The following MAGI3 variants were observed in gnomAD, a reference collection of about 807,000 sequenced individuals.
MAGI3 encodes the protein membrane-associated guanylate kinase, WW and PDZ domain-containing protein 3.
A neutral mutation model predicts 121.8 loss-of-function variants in MAGI3; 43 were observed. That is an observed-to-expected ratio of 0.35 (90% CI 0.28 to 0.46). The LOEUF is 0.46. Among genes scored for constraint, MAGI3 ranks in the 20% least tolerant of loss-of-function variants. The pLI, the probability that MAGI3 is intolerant of heterozygous loss-of-function variation, is 1.00. For synonymous variants in MAGI3, 553 were observed against 639.3 expected (o/e 0.86, Z 2.04); for missense variants, 1,547 against 1,797.3 (o/e 0.86, Z 2.52).
chr1:113,640,450 A>G (rs143955303), intron 9 of MAGI3, among the ~76,000 whole-genome samples: 3,265 of 152,266 alleles, frequency 0.021, 117 homozygotes, highest in African/African-American at 0.074. Flanking sequence ...TTGCAGCACT[A>G]TTTACAATAG....
At chr1:113,631,434 TA>T (rs1415224130) in intron 9 of MAGI3, among the ~76,000 whole-genome samples, 2 of 152,176 alleles carry the variant, frequency 1.3e-5, no homozygotes, top group African/African-American at 4.8e-5. Context: ...TCCTCTAAAC[TA>T]AATGCATATT....
chr1:113,608,095 A>G (rs11102660), intron 6 of MAGI3, among the ~76,000 whole-genome samples: 21,497 of 152,146 alleles, frequency 0.14, 2,037 homozygotes, highest in Non-Finnish European at 0.21. Context: ...GTAGTACCAT[A>G]TGACATGTCT....
At chr1:113,591,641 A>G (rs899792868) in intron 5 of MAGI3, among the ~76,000 whole-genome samples, 2 of 152,186 alleles carry the variant, frequency 1.3e-5, no homozygotes, top group Non-Finnish European at 2.9e-5. Flanking sequence ...ATACATTTAT[A>G]TAAACATTCA....
chr1:113,648,844 G>A (rs1414597169), intron 12 of MAGI3, among the ~76,000 whole-genome samples: 1 of 152,176 alleles, frequency 6.6e-6, no homozygotes, highest in Non-Finnish European at 1.5e-5. Flanking sequence ...CTATACAGCA[G>A]TGCCTGTACA....
intron 6 of MAGI3, among the ~76,000 whole-genome samples, chr1:113,608,157 G>T (rs1194434360): frequency 6.6e-6 from 1 of 151,754 alleles, no homozygotes; most frequent in African/African-American, 2.4e-5. Flanking sequence ...TCAGAGCAAT[G>T]ATTTTTGACA....
At chr1:113,576,041 C>G (rs1214827076) in intron 2 of MAGI3, among the ~76,000 whole-genome samples, 1 of 152,184 alleles carries the variant, frequency 6.6e-6, no homozygotes, top group African/African-American at 2.4e-5. Context: ...GCCCCTCCCC[C>G]CACCAAGCTC....
rs1015113374 is a variant in MAGI3, at chr1:113,537,252, T to C, written c.317-12263T>C. Among the ~76,000 whole-genome samples the C allele has an allele frequency of 1.3e-5, 2 of 152,216 alleles. 1 individual carries two copies. The highest frequency in any genetic ancestry group is 2.9e-5 in the Non-Finnish European group (2 of 68,030). ...CGTTTCTCTATGAATTTTTGTCTTT[T>C]GCTCCTAGGCATTGGGAATTTTTGC... On this transcript the variant is annotated intron_variant, in intron 1 of 20. Transcript: ENST00000307546.
At chr1:113,477,187 C>T (rs1327715189) in intron 1 of MAGI3, among the ~76,000 whole-genome samples, 1 of 152,088 alleles carries the variant, frequency 6.6e-6, no homozygotes, top group Admixed American at 6.5e-5. Flanking sequence ...TCGAATTTGC[C>T]ATTCTGTGTC....
intron 1 of MAGI3, among the ~76,000 whole-genome samples, chr1:113,472,730 A>G (rs1284124641): frequency 1.1e-5 from 1 of 94,000 alleles, no homozygotes; most frequent in Non-Finnish European, 2.0e-5. Context: ...TGTATCTACT[A>G]CAGTTGTGTG....
intron 1 of MAGI3, among the ~76,000 whole-genome samples, chr1:113,503,110 C>T (rs1657104271): frequency 1.0e-5 from 1 of 95,634 alleles, no homozygotes; most frequent in Admixed American, 1.2e-4. Flanking sequence ...GGAGATATAC[C>T]TAATGCTAGA....
chr1:113,631,893 G>A (rs563230263), intron 9 of MAGI3, among the ~76,000 whole-genome samples: 187 of 152,272 alleles, frequency 1.2e-3, no homozygotes, highest in Admixed American at 2.9e-3. Context: ...GAGTGTTTGT[G>A]GTTCAGGAAC....
intron 7 of MAGI3, chr1:113,618,743 A>G (rs1650639271): frequency 4.3e-6 from 1 of 232,300 alleles, no homozygotes; most frequent in African/African-American, 2.4e-5. Flanking sequence ...TGACCTCGTG[A>G]TCTGCCTGCC....
intron 1 of MAGI3, among the ~76,000 whole-genome samples, chr1:113,533,539 C>T (rs1157573434): frequency 1.3e-5 from 2 of 152,072 alleles, no homozygotes; most frequent in African/African-American, 2.4e-5. Context: ...CAGTGTCACT[C>T]AATTTACCCA....
intron 1 of MAGI3, among the ~76,000 whole-genome samples, chr1:113,425,273 A>ATTTTTT (rs949045641): frequency 5.8e-5 from 5 of 86,864 alleles, no homozygotes; most frequent in East Asian, 4.0e-4. Flanking sequence ...TACAAATTCA[A>ATTTTTT]TTTTTTTTTT....
intron 1 of MAGI3, among the ~76,000 whole-genome samples, chr1:113,542,114 C>T (rs865976265): frequency 2.6e-5 from 4 of 152,176 alleles, no homozygotes; most frequent in African/African-American, 4.8e-5. Context: ...GTAGTCCCCC[C>T]CTCCTTATTC....
intron 1 of MAGI3, among the ~76,000 whole-genome samples, chr1:113,530,630 A>C (rs1416078716): frequency 6.6e-6 from 1 of 152,014 alleles, no homozygotes; most frequent in Non-Finnish European, 1.5e-5. Flanking sequence ...CTTAGAAAAG[A>C]GAAACAAGGC....
At chr1:113,681,924 ACT>A (rs1648240334) in intron 20 of MAGI3, among the ~76,000 whole-genome samples, 1 of 152,084 alleles carries the variant, frequency 6.6e-6, no homozygotes, top group African/African-American at 2.4e-5. Context: ...TTTGAAAGTC[ACT>A]GTTTTTTGAG....
intron 10 of MAGI3, 147 bp downstream of exon 10, chr1:113,642,663 T>G (rs1652616332): frequency 1.1e-6 from 1 of 881,306 alleles, no homozygotes; most frequent in Non-Finnish European, 1.7e-6. Flanking sequence ...TCTGATTGTT[T>G]CCATAAGCAG....
chr1:113,492,221 A>G (rs535623850), intron 1 of MAGI3, among the ~76,000 whole-genome samples: 1 of 152,358 alleles, frequency 6.6e-6, no homozygotes, highest in African/African-American at 2.4e-5. Flanking sequence ...AACATATGCA[A>G]ATCAATAAAT....
Sources: allele counts gnomAD v4.1 joint callset (sites outside exome capture counted in the v4.1 genomes callset), GRCh38; gene constraint gnomAD v4.1.1; transcripts MANE v1.5; gene names NCBI Gene and HGNC (gene_info 2026-07-23, HGNC 2026-07-21).